The following PCDHA1 variants were observed in gnomAD, a reference collection of about 807,000 sequenced individuals.
PCDHA1 encodes protocadherin alpha 1.
A neutral mutation model predicts 61.3 loss-of-function variants in PCDHA1; 42 were observed. That is an observed-to-expected ratio of 0.69 (90% CI 0.54 to 0.89). The LOEUF (loss-of-function observed/expected upper bound fraction) is 0.89. PCDHA1 is among the 40% of genes least tolerant of loss of function. PCDHA1 has a pLI of 0.00. For missense variants in PCDHA1, 1,256 were observed against 1,235.3 expected (o/e 1.02, Z -0.25); for synonymous variants, 610 against 553.8 (o/e 1.10, Z -1.43).
At chr5:140,982,625 T>C in intron 3 of PCDHA1, 62 bp downstream of exon 3, 1 of 1,582,614 alleles carries the variant, frequency 6.3e-7, no homozygotes, top group South Asian at 1.2e-5. Context: ...ATGACCTACT[T>C]TTGTAAGATC....
chr5:140,943,522 G>T (rs2093513187), intron 1 of PCDHA1, among the ~76,000 whole-genome samples: 1 of 152,144 alleles, frequency 6.6e-6, no homozygotes, highest in Non-Finnish European at 1.5e-5. Flanking sequence ...GTTGAGTTCA[G>T]TATGCAAAAT....
At chr5:140,848,599 T>C (rs2150414040) in intron 1 of PCDHA1, 1 of 1,593,694 alleles carries the variant, frequency 6.3e-7, no homozygotes, top group Non-Finnish European at 8.6e-7. Context: ...CACTACTCCG[T>C]CCCGGAGGAA....
chr5:140,808,851 T>C (rs781838352), intron 1 of PCDHA1: 25 of 1,613,028 alleles, frequency 1.5e-5, no homozygotes, highest in Non-Finnish European at 2.0e-5. Flanking sequence ...CAGGTGTTCG[T>C]GCTGGACGAA....
Position 140,893,829 on chromosome 5 carries a change from A to G in PCDHA1, c.2395-85120A>G, listed in dbSNP as rs528174798. On this transcript the variant is annotated intron_variant, in intron 1 of 3. Transcript: ENST00000504120. ...TTGAGTCTGGTACCGTAGACTACTC[A>G]GCCATCCTGATGCCCTACCTCTTGT... Among the ~76,000 whole-genome samples the G allele has an allele frequency of 2.0e-5, 3 of 152,296 alleles. No homozygotes were observed. The South Asian group carries it at 6.2e-4, about 32-fold the overall frequency.
intron 1 of PCDHA1, chr5:140,853,382 A>C: frequency 1.0e-6 from 1 of 985,900 alleles, no homozygotes; most frequent in Non-Finnish European, 1.2e-6. Context: ...TAAAATTCAA[A>C]ACAGCCTGTC....
intron 1 of PCDHA1, among the ~76,000 whole-genome samples, chr5:140,820,699 T>A (rs992254972): frequency 6.6e-6 from 1 of 152,096 alleles, no homozygotes; most frequent in African/African-American, 2.4e-5. Flanking sequence ...GATATTCTTT[T>A]CAACATGATT....
intron 1 of PCDHA1, among the ~76,000 whole-genome samples, chr5:140,922,827 A>G (rs2081011863): frequency 1.3e-5 from 2 of 152,244 alleles, no homozygotes; most frequent in South Asian, 4.1e-4. Context: ...GCATACTGCT[A>G]ATAGATGTCC....
chr5:141,005,475 G>A (rs1011400158), intron 3 of PCDHA1, among the ~76,000 whole-genome samples: 8 of 151,670 alleles, frequency 5.3e-5, no homozygotes, highest in African/African-American at 1.9e-4. Flanking sequence ...AGGCCGAGAC[G>A]GGCGGATCAT....
At chr5:140,931,779 T>G (rs1298337220) in intron 1 of PCDHA1, among the ~76,000 whole-genome samples, 1 of 152,006 alleles carries the variant, frequency 6.6e-6, no homozygotes, top group African/African-American at 2.4e-5. Context: ...CCTGTTCAAT[T>G]ACCTATTGAT....
intron 1 of PCDHA1, among the ~76,000 whole-genome samples, chr5:140,973,210 C>T (rs112667484): frequency 0.028 from 4,273 of 152,266 alleles, 188 homozygotes; most frequent in African/African-American, 0.096. Flanking sequence ...CATATTCACC[C>T]TAATTCCAGG....
chr5:140,829,874 C>T lies in PCDHA1; in HGVS notation c.2394+41190C>T, dbSNP rs2150176706. ...TGCAGGCCAAGTGGTGGCGAAGGTGCGCGCAGTTGACGCCGACTCAGGCTA... is the reference window on the plus strand; with the variant it reads ...TGCAGGCCAAGTGGTGGCGAAGGTGTGCGCAGTTGACGCCGACTCAGGCTA... On this transcript the variant is annotated intron_variant, in intron 1 of 3. Transcript: ENST00000504120. The T allele has an allele frequency of 1.2e-5, 19 of 1,613,808 alleles. No individual in the cohort carries two copies. In the South Asian group the frequency reaches 1.8e-4, roughly 15 times the overall value.
At chr5:140,834,546 G>C in intron 1 of PCDHA1, 1 of 1,614,062 alleles carries the variant, frequency 6.2e-7, no homozygotes, top group South Asian at 1.1e-5. Flanking sequence ...CCTGGGGCTG[G>C]AGCTGGCGGA....
intron 1 of PCDHA1, among the ~76,000 whole-genome samples, chr5:140,906,153 A>G (rs2072404848): frequency 6.6e-6 from 1 of 152,142 alleles, no homozygotes; most frequent in Non-Finnish European, 1.5e-5. Flanking sequence ...ACCCTCACAG[A>G]CACACCCAGG....
At chr5:140,831,306 T>C (rs183127470) in intron 1 of PCDHA1, 1 of 152,292 alleles carries the variant, frequency 6.6e-6, no homozygotes, top group Non-Finnish European at 1.5e-5. Flanking sequence ...ATCTATTTCT[T>C]TGTATTAGTG....
intron 2 of PCDHA1, 37 bp from the exon 3 acceptor site, chr5:140,982,438 T>G: frequency 3.8e-5 from 61 of 1,608,838 alleles, no homozygotes; most frequent in Non-Finnish European, 4.8e-5. Context: ...AAAGAATTTA[T>G]GATCTAACCG....
intron 1 of PCDHA1, among the ~76,000 whole-genome samples, chr5:140,954,220 T>C (rs782685715): frequency 2.0e-5 from 3 of 152,240 alleles, no homozygotes; most frequent in African/African-American, 4.8e-5. Context: ...GTTTTTGCTA[T>C]TGTGAATAGT....
intron 1 of PCDHA1, chr5:140,928,173 C>T (rs1554205586): frequency 1.2e-6 from 2 of 1,614,170 alleles, no homozygotes; most frequent in Admixed American, 1.7e-5. Flanking sequence ...CACTTAGCAC[C>T]CGAAGGACAA....
At chr5:140,905,351 TTGACTA>T (rs2071764307) in intron 1 of PCDHA1, among the ~76,000 whole-genome samples, 1 of 152,208 alleles carries the variant, frequency 6.6e-6, no homozygotes, top group Non-Finnish European at 1.5e-5. Context: ...CTGTAAGTAT[TTGACTA>T]TATTTCTGGT....
intron 1 of PCDHA1, chr5:140,795,804 A>C (rs781883265): frequency 1.2e-6 from 2 of 1,613,596 alleles, no homozygotes; most frequent in Admixed American, 1.7e-5. Flanking sequence ...TTGTGTATTC[A>C]CTCGGTAGTG....
Sources: gnomAD v4.1 joint callset for allele counts (sites outside exome capture counted in the v4.1 genomes callset) on GRCh38, gnomAD v4.1.1 for gene constraint, MANE v1.5 for transcripts, NCBI Gene and HGNC (gene_info 2026-07-23, HGNC 2026-07-21) for gene names.